The following APLP2 variants were observed in gnomAD, a reference collection of about 807,000 sequenced individuals.
APLP2 encodes CDEI box-binding protein.
In APLP2, 53 loss-of-function variants were observed where a neutral mutation model predicts 89.9. That is an observed-to-expected ratio of 0.59 (90% confidence interval 0.47 to 0.74). The LOEUF is 0.74. APLP2 is among the 30% of genes least tolerant of loss of function. The pLI is 0.00. For missense variants in APLP2, 973 were observed against 975.9 expected (o/e 1.00, Z 0.04); for synonymous variants, 372 against 348.6 (o/e 1.07, Z -0.75).
chr11:130,143,243 A>G, intron 16 of APLP2, 104 bp from the exon 17 acceptor site: 2 of 1,034,400 alleles, frequency 1.9e-6, no homozygotes, highest in Non-Finnish European at 1.5e-6. Flanking sequence ...TGCTGGCTGC[A>G]TTTGGTCCTC....
At chr11:130,094,937 C>CT (rs1945992725) in intron 1 of APLP2, among the ~76,000 whole-genome samples, 13 of 152,186 alleles carry the variant, frequency 8.5e-5, no homozygotes, top group Admixed American at 8.5e-4. Flanking sequence ...GCTAGTGTGT[C>CT]TGACTACACT....
intron 1 of APLP2, among the ~76,000 whole-genome samples, chr11:130,081,234 A>G (rs1045756569): frequency 6.6e-6 from 1 of 152,074 alleles, no homozygotes; most frequent in African/African-American, 2.4e-5. Flanking sequence ...TTGGGATCAC[A>G]CTTGATGGTT....
In APLP2 at chr11:130,136,058, C is replaced by T. The variant is rs893420361; in HGVS notation, c.1837+343C>T. ...TGTTATGGTGTTACCTTTGCCCAGC[C>T]GTCTTGGGAGGTAGGTGCTGGAGAG... is the stretch of plus-strand genomic sequence containing the variant. On this transcript the variant is annotated intron_variant, in intron 13 of 16. Transcript: ENST00000338167. Among the ~76,000 whole-genome samples the T allele has an allele frequency of 2.6e-5, 4 of 152,080 alleles. No individual in the cohort carries two copies. The South Asian group carries it at 6.2e-4, about 24-fold the overall frequency.
At chr11:130,097,984 CCTTT>C (rs1239593512) in intron 1 of APLP2, among the ~76,000 whole-genome samples, 3 of 152,180 alleles carry the variant, frequency 2.0e-5, no homozygotes, top group Non-Finnish European at 4.4e-5. Context: ...GCACACTAGA[CCTTT>C]CTTAGGTTTC....
rs752918523 is a variant in APLP2, at chr11:130,141,457, C to G, written c.1924-41C>G. 1.2e-5 allele frequency: 18 copies of G among 1,535,814 alleles called. No individual in the cohort carries two copies. The South Asian group carries it at 1.7e-4, about 14-fold the overall frequency. ...GGCAGTAAATACCAAACTCCCCGTT[C>G]ACCCAGTTGCTTGCTGCCGACATTC... On this transcript the variant is annotated intron_variant, in intron 14 of 16. Transcript: ENST00000338167. This position sits in a 1 kb window ranked among gnomAD's most constrained non-coding sequence, Gnocchi z 4.2.
chr11:130,097,912 A>G (rs1946419327), intron 1 of APLP2, among the ~76,000 whole-genome samples: 1 of 152,162 alleles, frequency 6.6e-6, no homozygotes, highest in Admixed American at 6.5e-5. Context: ...CAGGACAGTT[A>G]TTCTTCAGCA....
chr11:130,140,504 G>A lies in APLP2; in HGVS notation c.1923+21G>A, dbSNP rs554908674. 265 of 1,579,292 alleles carry A rather than the reference G, an allele frequency of 1.7e-4. 1 individual carries two copies. The South Asian group carries it at 3.0e-3, about 18-fold the overall frequency. ...ACATGGTGAGCCTGTTCTTTCTTCT[G>A]CCCAACACGCTTTACTTTTGAGACT... On this transcript the variant is annotated intron_variant, in intron 14 of 16. Coordinates refer to ENST00000338167, the MANE Select transcript of APLP2 (RefSeq NM_001142276.2).
rs1051298762 is a variant in APLP2 at position 130,080,754 on chromosome 11, T to C, written c.105+10672T>C. 1.4e-4 allele frequency among the ~76,000 whole-genome samples: 20 copies of C among 148,004 alleles called. No individual in the cohort carries two copies. The South Asian group carries it at 1.5e-3, about 11-fold the overall frequency. On this transcript the variant is annotated intron_variant, in intron 1 of 16. Transcript: ENST00000338167. ...CTTTGTTGCCCAGGCTGGAGTGCAG[T>C]GGCGTGATCTCGGCTCACTGCAAGC...
chr11:130,073,638 C>G (rs906660330), intron 1 of APLP2, among the ~76,000 whole-genome samples: 2 of 152,082 alleles, frequency 1.3e-5, no homozygotes, highest in Non-Finnish European at 2.9e-5. Context: ...GTCAGGAGTT[C>G]GAGACCAGCC....
chr11:130,121,751 G>A lies in APLP2; in HGVS notation c.654G>A (p.Glu218=). The A allele has an allele frequency of 6.2e-7, 1 of 1,610,680 alleles. No individual in the cohort carries two copies. Among genetic ancestry groups the A allele is most frequent in the African/African-American group, 1.4e-5 (1 of 73,168 alleles). The part of the protein sequence containing the change: ...IIGSVSKEEE[E]EDEEEEEEED... ...GATCTGTGTCAAAAGAAGAGGAAGA[G>A]GAAGATGAAGAGGAAGAGGAAGAGG... The change falls in exon 5 of 17, where the codon GAG becomes GAA. Residue 218 remains glutamate (E), a synonymous_variant. Coordinates refer to ENST00000338167, the MANE Select transcript of APLP2 (RefSeq NM_001142276.2).
chr11:130,096,746 A>G (rs1946258135), intron 1 of APLP2, among the ~76,000 whole-genome samples: 1 of 152,110 alleles, frequency 6.6e-6, no homozygotes, highest in Non-Finnish European at 1.5e-5. Context: ...GTGCTGTTGT[A>G]TTTTACACCA....
chr11:130,109,418 C>G lies in APLP2; in HGVS notation c.106-11C>G, dbSNP rs780930340. On this transcript the variant is annotated splice_polypyrimidine_tract_variant and intron_variant, in intron 1 of 16. Transcript: ENST00000338167. ...CTTGGAGTAAACCTGCAATTTTTTT[C>G]CCTTTGGTAGGCTCTTGCAGCCAAT... 6.3e-7 allele frequency: 1 copy of G among 1,599,418 alleles called. No homozygotes were observed. The highest frequency in any genetic ancestry group is 1.4e-5 in the African/African-American group (1 of 73,866).
At chr11:130,124,090 C>T (rs2135971973) in intron 7 of APLP2, among the ~76,000 whole-genome samples, 1 of 152,256 alleles carries the variant, frequency 6.6e-6, no homozygotes, top group African/African-American at 2.4e-5. Flanking sequence ...TTGGAGTCTG[C>T]AGGTCCCCAG....
chr11:130,081,126 A>G (rs1943083041), intron 1 of APLP2, among the ~76,000 whole-genome samples: 1 of 152,200 alleles, frequency 6.6e-6, no homozygotes, highest in Non-Finnish European at 1.5e-5. Context: ...ACAAAAGAGT[A>G]GATTCCCCCT....
chr11:130,090,263 TTTTTTA>T (rs1030458315), intron 1 of APLP2, among the ~76,000 whole-genome samples: 7 of 147,824 alleles, frequency 4.7e-5, no homozygotes, highest in African/African-American at 1.8e-4. Context: ...TTTTTTTTTT[TTTTTTA>T]AATTTATTTT....
In APLP2 at chr11:130,083,021, C is replaced by CTTTTTT. The variant is rs1469566240; in HGVS notation, c.105+12943_105+12944insTTTTTT. 8.4e-4 allele frequency among the ~76,000 whole-genome samples: 67 copies of CTTTTTT among 79,966 alleles called. 2 individuals are homozygous for CTTTTTT. Among genetic ancestry groups the CTTTTTT allele is most frequent in the East Asian group, 3.0e-3 (6 of 2,000 alleles). 52.5% of individuals were successfully genotyped at this position (79,966 alleles called of 152,430 possible). On this transcript the variant is annotated intron_variant, in intron 1 of 16. Transcript: ENST00000338167. ...AAATATATTAACCACTGAAACTTTT[C>CTTTTTT]TTTTCTTTTTTTTTTTTTTTTTTTT...
chr11:130,085,757 C>T (rs1345494894), intron 1 of APLP2, among the ~76,000 whole-genome samples: 2 of 152,190 alleles, frequency 1.3e-5, no homozygotes, highest in Non-Finnish European at 2.9e-5. Flanking sequence ...CCCCTGGATC[C>T]CCCAGCCCCT....
At chr11:130,080,411 G>C (rs1005591463) in intron 1 of APLP2, among the ~76,000 whole-genome samples, 1 of 151,850 alleles carries the variant, frequency 6.6e-6, no homozygotes, top group Non-Finnish European at 1.5e-5. Flanking sequence ...CACCATGTTG[G>C]CCAGGCTGGT....
At chr11:130,137,407 C>G in intron 13 of APLP2, 1 of 983,448 alleles carries the variant, frequency 1.0e-6, no homozygotes, top group East Asian at 2.4e-5. Flanking sequence ...CTCATTCCTT[C>G]TGACACGGCT....
Sources: allele counts gnomAD v4.1 joint callset (sites outside exome capture counted in the v4.1 genomes callset), GRCh38; gene constraint gnomAD v4.1.1; non-coding constraint Gnocchi (gnomAD v3.1); transcripts MANE v1.5; gene names NCBI Gene and HGNC (gene_info 2026-07-23, HGNC 2026-07-21).